EXOC6B: variants seen among roughly 807,000 people sequenced by gnomAD.
The protein encoded by EXOC6B is SEC15 homolog B.
Under a neutral mutation model 113.5 loss-of-function variants are expected in EXOC6B, and 54 were observed. The observed-to-expected ratio is 0.48, with a 90% CI of 0.38 to 0.60. EXOC6B has a LOEUF of 0.60. Among genes scored for constraint, EXOC6B ranks in the 20% least tolerant of loss-of-function variants. EXOC6B has a pLI of 0.00. For synonymous variants in EXOC6B, 357 were observed against 339.0 expected, an observed-to-expected ratio of 1.05 and a Z score of -0.58; for missense variants, 797 against 977.5, an observed-to-expected ratio of 0.82 and a Z score of 2.46.
chr2:72,426,049 G>A (rs1440279101), intron 18 of EXOC6B, among the ~76,000 whole-genome samples: 1 of 151,932 alleles, frequency 6.6e-6, no homozygotes, highest in African/African-American at 2.4e-5. Flanking sequence ...TTAATTTCAG[G>A]GATAGCCCTT....
Position 72,179,140 on chromosome 2 carries a change from A to C in EXOC6B, c.*195T>G. ...ACTTCCCCTGAGTCCCAGCCTAGCA[A>C]CATCTCATGTACTTGCTTATTCTTG... On this transcript the variant is annotated 3_prime_UTR_variant, in exon 22 of 22. Transcript: ENST00000272427. 1.7e-6 allele frequency: 1 copy of C among 586,316 alleles called. No homozygotes were observed. Among genetic ancestry groups the C allele is most frequent in the Non-Finnish European group, 2.8e-6 (1 of 352,130 alleles). The allele number at this position is 586,316 out of a possible 1,614,324, so 36.3% of individuals were successfully genotyped here.
At chr2:72,179,557 C>A in intron 21 of EXOC6B, 96 bp from the exon 22 acceptor site, 1 of 1,391,558 alleles carries the variant, frequency 7.2e-7, no homozygotes, top group South Asian at 1.2e-5. Flanking sequence ...ATCTTAACCA[C>A]TACCCAGAGT....
intron 16 of EXOC6B, among the ~76,000 whole-genome samples, chr2:72,485,235 T>C (rs6758593): frequency 0.39 from 59,158 of 152,138 alleles, 17,704 homozygotes; most frequent in African/African-American, 0.84. Flanking sequence ...AAAACTAGCC[T>C]TAAATTCCAA....
At chr2:72,664,928 T>A (rs1675284808) in intron 6 of EXOC6B, among the ~76,000 whole-genome samples, 1 of 152,140 alleles carries the variant, frequency 6.6e-6, no homozygotes, top group South Asian at 2.1e-4. Context: ...GTGGGCCCAG[T>A]CCCAACACTC....
intron 20 of EXOC6B, among the ~76,000 whole-genome samples, chr2:72,216,865 C>A (rs1046317235): frequency 6.6e-6 from 1 of 151,898 alleles, no homozygotes; most frequent in Non-Finnish European, 1.5e-5. Flanking sequence ...AACACATGGA[C>A]ACAGGGAGGG....
chr2:72,434,569 G>C (rs1271709554), intron 18 of EXOC6B, among the ~76,000 whole-genome samples: 1 of 151,972 alleles, frequency 6.6e-6, no homozygotes, highest in Non-Finnish European at 1.5e-5. Flanking sequence ...ATTAATTACT[G>C]CTTCAATTTC....
At chr2:72,806,731 A>G (rs969302297) in intron 1 of EXOC6B, among the ~76,000 whole-genome samples, 7 of 23,046 alleles carry the variant, frequency 3.0e-4, no homozygotes, top group African/African-American at 1.2e-3. Context: ...CAATCTGAGT[A>G]GTGTGAGATG....
intron 2 of EXOC6B, 122 bp from the exon 3 acceptor site, chr2:72,733,240 C>T: frequency 1.4e-6 from 1 of 697,840 alleles, no homozygotes; most frequent in South Asian, 1.7e-5. Context: ...TACTCCACTA[C>T]ATATTGGTCC....
Position 72,495,299 on chromosome 2 carries a change from T to C in EXOC6B, c.1553+131A>G, listed in dbSNP as rs193238948. On this transcript the variant is annotated intron_variant, in intron 15 of 21. Coordinates refer to ENST00000272427, the MANE Select transcript of EXOC6B (RefSeq NM_015189.3). ...TGACTATAGAAATACAGCAGTGCCA[T>C]GCAGTGAAAAGCTAATTATTAAGAT... is the stretch of plus-strand genomic sequence containing the variant. The C allele has an allele frequency of 1.6e-5, 9 of 556,356 alleles. No individual in the cohort carries two copies. In the East Asian group the frequency reaches 2.8e-4, roughly 17 times the overall value. The allele number at this position is 556,356 out of a possible 1,614,324, so 34.5% of individuals were successfully genotyped here.
chr2:72,237,026 C>T (rs759218305), intron 20 of EXOC6B, among the ~76,000 whole-genome samples: 2 of 151,928 alleles, frequency 1.3e-5, no homozygotes, highest in Non-Finnish European at 2.9e-5. Context: ...CCTGAGACCT[C>T]AAGTTAGAAA....
intron 6 of EXOC6B, among the ~76,000 whole-genome samples, chr2:72,595,040 C>T (rs1030013022): frequency 6.6e-6 from 1 of 152,036 alleles, no homozygotes; most frequent in Admixed American, 6.6e-5. Context: ...GGGCAGATCA[C>T]TTGAGGTCAG....
chr2:72,548,240 C>T (rs1268339248), intron 8 of EXOC6B, among the ~76,000 whole-genome samples: 1 of 152,014 alleles, frequency 6.6e-6, no homozygotes, highest in East Asian at 1.9e-4. Flanking sequence ...GGTGCTTGGC[C>T]CCATCTATAA....
chr2:72,192,062 C>T (rs1678875548), intron 20 of EXOC6B, among the ~76,000 whole-genome samples: 1 of 152,170 alleles, frequency 6.6e-6, no homozygotes, highest in Non-Finnish European at 1.5e-5. Context: ...CATATCATGC[C>T]TATTCATGAG....
At chr2:72,218,202 G>A (rs1305066775) in intron 20 of EXOC6B, among the ~76,000 whole-genome samples, 1 of 152,206 alleles carries the variant, frequency 6.6e-6, no homozygotes, top group Non-Finnish European at 1.5e-5. Flanking sequence ...TTGTGGATGT[G>A]CACAGTAAGG....
rs140753388 is a variant in EXOC6B at position 72,809,277 on chromosome 2, T to C, written c.113+16521A>G. ...TGGTTTAAATACACCAATTAAAAGA[T>C]AGAGATCAACAAAGTGGATTTTATA... On this transcript the variant is annotated intron_variant, in intron 1 of 21. Coordinates refer to ENST00000272427, the MANE Select transcript of EXOC6B (RefSeq NM_015189.3). 4.7e-4 allele frequency among the ~76,000 whole-genome samples: 71 copies of C among 152,180 alleles called. No homozygotes were observed. In the East Asian group the frequency reaches 0.01, roughly 22 times the overall value.
chr2:72,191,964 C>CA (rs1234357189), intron 20 of EXOC6B, among the ~76,000 whole-genome samples: 3 of 152,068 alleles, frequency 2.0e-5, no homozygotes, highest in African/African-American at 4.8e-5. Context: ...AAGGATTACC[C>CA]AAAAAAACTC....
intron 6 of EXOC6B, among the ~76,000 whole-genome samples, chr2:72,596,023 G>C (rs1480818257): frequency 6.6e-6 from 1 of 152,188 alleles, no homozygotes; most frequent in African/African-American, 2.4e-5. Flanking sequence ...GAAAAGGAAG[G>C]CCTCTGGCTT....
intron 11 of EXOC6B, among the ~76,000 whole-genome samples, chr2:72,507,705 G>C (rs1700667579): frequency 6.6e-6 from 1 of 151,682 alleles, no homozygotes. Context: ...TTAAAAAGAA[G>C]GTATTTTGTC....
At chr2:72,755,592 T>C (rs889448392) in intron 1 of EXOC6B, among the ~76,000 whole-genome samples, 1 of 152,116 alleles carries the variant, frequency 6.6e-6, no homozygotes, top group Non-Finnish European at 1.5e-5. Flanking sequence ...TGCAAATAAT[T>C]TGCACTTCAG....
Sources: gnomAD v4.1 joint callset for allele counts (sites outside exome capture counted in the v4.1 genomes callset) on GRCh38, gnomAD v4.1.1 for gene constraint, MANE v1.5 for transcripts, NCBI Gene and HGNC (gene_info 2026-07-23, HGNC 2026-07-21) for gene names.